The following STK10 variants were observed in gnomAD, a reference collection of about 807,000 sequenced individuals.
STK10 encodes serine/threonine-protein kinase 10.
Under a neutral mutation model 113.8 loss-of-function variants are expected in STK10, and 78 were observed. That is an observed-to-expected ratio of 0.69 (90% CI 0.57 to 0.83). The LOEUF is 0.83. Ranked by LOEUF, STK10 falls within the 40% of genes least tolerant of loss-of-function variation. The probability of loss-of-function intolerance (pLI) is 0.00; values close to 1 mark genes in which losing one functional copy is unlikely to be tolerated. For missense variants in STK10, 1,109 were observed against 1,280.1 expected (o/e 0.87, Z 2.04); for synonymous variants, 465 against 494.7 (o/e 0.94, Z 0.80).
intron 2 of STK10, among the ~76,000 whole-genome samples, chr5:172,138,214 C>T (rs951301401): frequency 3.3e-5 from 5 of 152,240 alleles, no homozygotes; most frequent in East Asian, 1.9e-4. Context: ...TTCCGCCTCC[C>T]GGGTTCAAGC....
At chr5:172,148,430 C>T (rs766248124) in intron 2 of STK10, among the ~76,000 whole-genome samples, 24 of 152,122 alleles carry the variant, frequency 1.6e-4, no homozygotes, top group Non-Finnish European at 2.6e-4. Context: ...ACATGGTGGG[C>T]GAATCCTGGA....
chr5:172,099,254 G>A (rs1389340254), intron 7 of STK10, among the ~76,000 whole-genome samples: 1 of 152,030 alleles, frequency 6.6e-6, no homozygotes, highest in Non-Finnish European at 1.5e-5. Flanking sequence ...AGAAAAGCCC[G>A]TTATGGCCCG....
chr5:172,184,722 G>A (rs1770921081), intron 1 of STK10, among the ~76,000 whole-genome samples: 1 of 152,186 alleles, frequency 6.6e-6, no homozygotes, highest in African/African-American at 2.4e-5. Flanking sequence ...CATGATCTCA[G>A]CCCACAGCAA....
At position 172,047,323 on chromosome 5, in the gene STK10, C is replaced by T. The variant is rs575173792; in HGVS notation, c.2767-2301G>A. Among the ~76,000 whole-genome samples, 10 of 152,258 alleles carry T rather than the reference C, an allele frequency of 6.6e-5. No homozygotes were observed. In the East Asian group the frequency reaches 1.2e-3, roughly 18 times the overall value. On this transcript the variant is annotated intron_variant, in intron 18 of 18. Coordinates refer to ENST00000176763, the MANE Select transcript of STK10 (RefSeq NM_005990.4). ...CCTGAGCCCAGGCCCCTCTTTGAAG[C>T]GATCTGAGACATAAGGCAATAGCTA...
intron 9 of STK10, among the ~76,000 whole-genome samples, chr5:172,091,002 T>C (rs1768690809): frequency 6.9e-6 from 1 of 145,092 alleles, no homozygotes; most frequent in Non-Finnish European, 1.5e-5. Context: ...ACTTACTTGC[T>C]CTGTGTCTCT....
At chr5:172,076,355 G>C (rs1367871600) in intron 12 of STK10, among the ~76,000 whole-genome samples, 1 of 86,292 alleles carries the variant, frequency 1.2e-5, no homozygotes, top group East Asian at 3.4e-4. Flanking sequence ...CTGTGCGTTA[G>C]TTGTGGGGGC....
chr5:172,088,248 G>T (rs62381962), intron 10 of STK10, among the ~76,000 whole-genome samples: 2 of 152,098 alleles, frequency 1.3e-5, no homozygotes, highest in Non-Finnish European at 2.9e-5. Flanking sequence ...GTATTAGGCC[G>T]GGCGCGGTGG....
chr5:172,135,642 G>T (rs1429219723), intron 2 of STK10, among the ~76,000 whole-genome samples: 2 of 152,198 alleles, frequency 1.3e-5, no homozygotes, highest in African/African-American at 2.4e-5. Context: ...TCCTCAATAT[G>T]TTAAACGTAG....
intron 10 of STK10, among the ~76,000 whole-genome samples, chr5:172,084,461 T>TA (rs1172562346): frequency 3.2e-4 from 48 of 151,262 alleles, no homozygotes; most frequent in South Asian, 1.9e-3. Context: ...AATCTCTAGG[T>TA]AAAAAAAAGC....
intron 16 of STK10, among the ~76,000 whole-genome samples, 191 bp from the exon 17 acceptor site, chr5:172,054,885 G>A (rs910476269): frequency 2.6e-5 from 4 of 152,186 alleles, no homozygotes; most frequent in Admixed American, 6.5e-5. Flanking sequence ...CCCAGCCCTC[G>A]AGGAGCCCCC....
intron 15 of STK10, chr5:172,056,954 G>GGAAGGAAGGAAAGAAAGAAAGAAAGAAA (rs1491424918): frequency 3.8e-5 from 3 of 78,966 alleles, no homozygotes; most frequent in African/African-American, 2.0e-4. Context: ...AAAGAAAGAA[G>GGAAGGAAGGAAAGAAAGAAAGAAAGAAA]GAAAGAAAGA....
At chr5:172,159,781 C>A (rs1770430054) in intron 1 of STK10, among the ~76,000 whole-genome samples, 2 of 151,760 alleles carry the variant, frequency 1.3e-5, no homozygotes, top group Admixed American at 1.3e-4. Context: ...CAAGATGGCA[C>A]CACTGCATCC....
chr5:172,071,302 A>G, intron 12 of STK10, among the ~76,000 whole-genome samples: 1 of 147,118 alleles, frequency 6.8e-6, no homozygotes, highest in Non-Finnish European at 1.5e-5. Flanking sequence ...AAAAAAAAGA[A>G]GAAGAAATAG....
chr5:172,107,730 G>A, intron 5 of STK10, 50 bp downstream of exon 5: 1 of 1,589,114 alleles, frequency 6.3e-7, no homozygotes, highest in South Asian at 1.1e-5. Context: ...GGTCACCTTG[G>A]AGAGTTTTTA....
intron 1 of STK10, among the ~76,000 whole-genome samples, chr5:172,157,077 A>G (rs1319126406): frequency 1.3e-5 from 2 of 152,206 alleles, no homozygotes; most frequent in African/African-American, 4.8e-5. Context: ...CGAAGAAAAA[A>G]ACCCAAGTCA....
chr5:172,177,016 A>G (rs1401012534), intron 1 of STK10, among the ~76,000 whole-genome samples: 1 of 152,192 alleles, frequency 6.6e-6, no homozygotes, highest in Non-Finnish European at 1.5e-5. Context: ...TCTACTAAAA[A>G]TACAAAAATT....
At chr5:172,182,884 C>T (rs1006517886) in intron 1 of STK10, among the ~76,000 whole-genome samples, 11 of 151,858 alleles carry the variant, frequency 7.2e-5, no homozygotes, top group South Asian at 2.1e-4. Context: ...GATGGGGTTT[C>T]GTCATGTTGC....
intron 12 of STK10, among the ~76,000 whole-genome samples, chr5:172,074,320 C>T (rs996118814): frequency 1.4e-4 from 21 of 152,150 alleles, no homozygotes; most frequent in African/African-American, 4.1e-4. Context: ...CGTCAAGACA[C>T]TGTAGTATTG....
intron 12 of STK10, among the ~76,000 whole-genome samples, chr5:172,076,078 T>C (rs1768298361): frequency 6.6e-6 from 1 of 152,226 alleles, no homozygotes; most frequent in African/African-American, 2.4e-5. Context: ...CTAATGGTCT[T>C]AGATCAGGGT....
Sources: gnomAD v4.1 joint callset for allele counts (sites outside exome capture counted in the v4.1 genomes callset) on GRCh38, gnomAD v4.1.1 for gene constraint, MANE v1.5 for transcripts, NCBI Gene and HGNC (gene_info 2026-07-23, HGNC 2026-07-21) for gene names.